The following FBXO24 variants were observed in gnomAD, a reference collection of about 807,000 sequenced individuals.
FBXO24 encodes F-box only protein 24.
FBXO24 carries 30 observed loss-of-function variants against 63.5 expected under a neutral mutation model. The ratio of observed to expected loss-of-function variants is 0.47; its 90% CI spans 0.35 to 0.64. The LOEUF (loss-of-function observed/expected upper bound fraction) is 0.64, where lower values mean the gene tolerates loss of function less well. FBXO24 is among the 30% of genes least tolerant of loss of function. The probability of loss-of-function intolerance (pLI) is 0.00; values close to 1 mark genes in which losing one functional copy is unlikely to be tolerated. For missense variants in FBXO24, 624 were observed against 763.4 expected, an observed-to-expected ratio of 0.82 and a Z score of 2.15; for synonymous variants, 300 against 305.0, an observed-to-expected ratio of 0.98 and a Z score of 0.17.
intron 8 of FBXO24, among the ~76,000 whole-genome samples, chr7:100,597,174 CAG>C (rs1424284742): frequency 2.6e-5 from 4 of 152,148 alleles, no homozygotes; most frequent in Non-Finnish European, 4.4e-5. Context: ...CTGTGGTAGA[CAG>C]GGGATGAAGA....
intron 8 of FBXO24, among the ~76,000 whole-genome samples, chr7:100,599,245 C>A (rs1045437694): frequency 5.9e-4 from 90 of 152,066 alleles, no homozygotes; most frequent in African/African-American, 2.1e-3. Context: ...CAGAATGAGA[C>A]CCCATCTCTA....
chr7:100,589,735 G>A (rs1449611067), intron 1 of FBXO24: 3 of 1,547,640 alleles, frequency 1.9e-6, no homozygotes, highest in Non-Finnish European at 2.6e-6. Context: ...GTCAGGGGAA[G>A]CCAGAGACGG....
chr7:100,591,814 TC>T lies in FBXO24; in HGVS notation c.472del (p.Leu158SerfsTer81). The T allele has an allele frequency of 6.2e-7, 1 of 1,614,214 alleles. No individual in the cohort carries two copies. The highest frequency in any genetic ancestry group is 1.1e-5 in the South Asian group (1 of 91,088). On this transcript the variant is annotated frameshift_variant, in exon 4 of 10. Coordinates refer to ENST00000241071, the MANE Select transcript of FBXO24 (RefSeq NM_033506.3). LOFTEE classifies it high-confidence loss of function. ...FILDYVGTLFFLKNALVSTLG... is the reference protein window; with the variant it reads ...FILDYVGTLFXLKNALVSTLG... ...CTTGACTACGTGGGGACCCTCTTCT[TC>T]CTCAAAAATGCCCTGGTCTCCACCC... is the stretch of plus-strand genomic sequence containing the variant.
Position 100,600,527 on chromosome 7 carries a change from C to G in FBXO24, c.1378-7C>G. 6.5e-7 allele frequency: 1 copy of G among 1,537,878 alleles called. No individual in the cohort carries two copies. Among genetic ancestry groups the G allele is most frequent in the Non-Finnish European group, 8.8e-7 (1 of 1,142,758 alleles). The stretch of plus-strand genomic sequence containing the variant: ...TCAGCCATGCCCCCTTTCTCTCCTC[C>G]TCCAAGGTCCCTCTGTGTGCCTGTG... On this transcript the variant is annotated splice_polypyrimidine_tract_variant and splice_region_variant and intron_variant, in intron 9 of 9. Coordinates refer to ENST00000241071, the MANE Select transcript of FBXO24 (RefSeq NM_033506.3). The surrounding 1 kb of genome is among the most constrained non-coding windows in gnomAD (Gnocchi z 6.3).
chr7:100,592,769 A>G lies in FBXO24; in HGVS notation c.559-14A>G. 1 of 1,610,058 alleles carries G rather than the reference A, an allele frequency of 6.2e-7. No individual in the cohort carries two copies. The highest frequency in any genetic ancestry group is 1.3e-5 in the African/African-American group (1 of 74,912). ...GAAACTCTAGATCCCAGACGCCCTC[A>G]TCTTTTCCCCCAGTTTGCCTCGGAC... On this transcript the variant is annotated splice_polypyrimidine_tract_variant and intron_variant, in intron 4 of 9. Transcript: ENST00000241071.
rs780018734 is a variant in FBXO24, at chr7:100,591,862, G to A, written c.518G>A (p.Arg173Gln). ...VSTLGQMQWK[R>Q]ACRYVVLCRG... ...ACCCTCGGCCAGATGCAGTGGAAGC[G>A]GGCCTGTCGCTATGTTGTGTTGTGT... The change falls in exon 4 of 10, where the codon CGG (arginine) becomes CAG (glutamine). Residue 173 changes from arginine to glutamine, a missense_variant. By Grantham distance (43) the Arg-to-Gln change is conservative (BLOSUM62 1). Around this residue, in one of 3 missense-constraint regions of FBXO24, gnomAD observed 391 missense variants for 469.1 expected, o/e 0.83. Transcript: ENST00000241071. 4.3e-6 allele frequency: 7 copies of A among 1,614,214 alleles called. No individual in the cohort carries two copies. Among genetic ancestry groups the A allele is most frequent in the East Asian group, 2.2e-5 (1 of 44,892 alleles).
chr7:100,586,673 G>A lies in FBXO24; in HGVS notation c.39+9G>A, dbSNP rs773019527. On this transcript the variant is annotated intron_variant, in intron 1 of 9. Coordinates refer to ENST00000241071, the MANE Select transcript of FBXO24 (RefSeq NM_033506.3). ...TGCTAAGGAGGAGGCGGGTGAGCTA[G>A]AACTTTAAGACTGAGGTTAAGAATG... The A allele has an allele frequency of 1.2e-6, 2 of 1,614,048 alleles. No individual in the cohort carries two copies. The highest frequency in any genetic ancestry group is 1.3e-5 in the African/African-American group (1 of 74,936).
chr7:100,593,209 C>CATAATATTCATAAATATTCACCACA (rs1802117797), intron 5 of FBXO24, 192 bp downstream of exon 5: 4 of 550,306 alleles, frequency 7.3e-6, no homozygotes, highest in African/African-American at 3.8e-5. Context: ...GAATAAAAGG[C>CATAATATTCATAAATATTCACCACA]CCTGTCCAGG....
rs374826348 is a variant in FBXO24, at chr7:100,590,357, T to A, written c.322T>A (p.Tyr108Asn). ...CTGGAAGAGAGCTGCCATTCTGAACTGTACACCTTCCCCAGAACCTCCCGT... is the reference window on the plus strand; with the variant it reads ...CTGGAAGAGAGCTGCCATTCTGAACAGTACACCTTCCCCAGAACCTCCCGT... ...RPWKRAAILN[Y>N]TKGLYFQAFG... Residue 108 changes from tyrosine to asparagine, a missense_variant and splice_region_variant, in exon 3 of 10, where the codon TAC (tyrosine) becomes AAC (asparagine). By Grantham distance (143) the Tyr-to-Asn change is moderately radical. Coordinates refer to ENST00000241071, the MANE Select transcript of FBXO24 (RefSeq NM_033506.3). 5.0e-6 allele frequency: 8 copies of A among 1,607,676 alleles called. No homozygotes were observed. In the Admixed American group the frequency reaches 1.3e-4, roughly 27 times the overall value.
At chr7:100,586,957 G>T (rs1193730818) in intron 1 of FBXO24, among the ~76,000 whole-genome samples, 3 of 151,938 alleles carry the variant, frequency 2.0e-5, no homozygotes, top group Non-Finnish European at 1.5e-5. Flanking sequence ...CCAGCTCGAG[G>T]AGGGAGGGTG....
rs1171945450 is a variant in FBXO24 at position 100,595,111 on chromosome 7, G to T, written c.962G>T (p.Gly321Val). 12 of 1,613,882 alleles carry T rather than the reference G, an allele frequency of 7.4e-6. No individual in the cohort carries two copies. In the East Asian group the frequency reaches 2.7e-4, roughly 36 times the overall value. The stretch of plus-strand genomic sequence containing the variant: ...GCTCCTGACCCCCCAGACCAGGGGG[G>T]AGTGTATTTTGAGGTGCATACCCCA... ...SSTLYVTDQG[G>V]VYFEVHTPGV... The change falls in exon 7 of 10, where the codon GGA (glycine) becomes GTA (valine). Residue 321 changes from glycine (G) to valine (V), a missense_variant. Gly to Val is a moderately radical substitution (Grantham distance 109, BLOSUM62 -3). Transcript: ENST00000241071.
chr7:100,591,588 A>G lies in FBXO24; in HGVS notation c.323-79A>G, dbSNP rs2131264549. 3 of 1,388,616 alleles carry G rather than the reference A, an allele frequency of 2.2e-6. No homozygotes were observed. The South Asian group carries it at 3.6e-5, about 17-fold the overall frequency. 86.0% of individuals were successfully genotyped at this position (1,388,616 alleles called of 1,614,324 possible). A position where few individuals can be genotyped will look rare whatever the true frequency, so the allele number is the denominator to read the frequency against. On this transcript the variant is annotated intron_variant, in intron 3 of 9. Coordinates refer to ENST00000241071, the MANE Select transcript of FBXO24 (RefSeq NM_033506.3). ...GGAGGAACTACAAACCAGCGTGTCTAAGAAATCTACCCAAGCTCCAACTCA... is the reference window on the plus strand; with the variant it reads ...GGAGGAACTACAAACCAGCGTGTCTGAGAAATCTACCCAAGCTCCAACTCA...
chr7:100,594,807 G>T lies in FBXO24; in HGVS notation c.952+266G>T, dbSNP rs1195853277. ...CTCTACTAAAATACAAAAATTAGCT[G>T]GGTGTGATGGCAGGCGCCTGTAATC... On this transcript the variant is annotated intron_variant, in intron 6 of 9. Coordinates refer to ENST00000241071, the MANE Select transcript of FBXO24 (RefSeq NM_033506.3). The surrounding 1 kb of genome is among the most constrained non-coding windows in gnomAD (Gnocchi z 4.2). 2.6e-5 allele frequency among the ~76,000 whole-genome samples: 4 copies of T among 152,150 alleles called. No homozygotes were observed. The highest frequency in any genetic ancestry group is 4.4e-5 in the Non-Finnish European group (3 of 68,028).
chr7:100,596,033 T>C (rs1477897791), intron 8 of FBXO24, among the ~76,000 whole-genome samples: 2 of 151,964 alleles, frequency 1.3e-5, no homozygotes, highest in African/African-American at 4.8e-5. Context: ...ATCCCGACAC[T>C]TTGGGAGGCC....
In FBXO24 at chr7:100,591,811, T is replaced by A; in HGVS notation, c.467T>A (p.Phe156Tyr). The A allele has an allele frequency of 6.2e-7, 1 of 1,614,240 alleles. No homozygotes were observed. The highest frequency in any genetic ancestry group is 2.2e-5 in the East Asian group (1 of 44,886). ...ATTCTTGACTACGTGGGGACCCTCT[T>A]CTTCCTCAAAAATGCCCTGGTCTCC... ...VFILDYVGTL[F>Y]FLKNALVSTL... is the part of the protein sequence containing the mutation. Residue 156 changes from phenylalanine to tyrosine, a missense_variant, in exon 4 of 10, where the codon TTC becomes TAC. Transcript: ENST00000241071.
intron 1 of FBXO24, among the ~76,000 whole-genome samples, chr7:100,588,008 G>A (rs1012142153): frequency 4.0e-5 from 6 of 151,684 alleles, no homozygotes; most frequent in Admixed American, 2.0e-4. Flanking sequence ...TCAGCCTCCC[G>A]AGTAACTGGG....
rs898270332 is a variant in FBXO24 at position 100,590,327 on chromosome 7, C to G, written c.292C>G (p.Arg98Gly). 6.2e-7 allele frequency: 1 copy of G among 1,613,846 alleles called. No individual in the cohort carries two copies. Among genetic ancestry groups the G allele is most frequent in the Non-Finnish European group, 8.5e-7 (1 of 1,179,860 alleles). ...PRLQDQGSGV[R>G]PWKRAAILNY... ...CCTCCAAGATCAGGGTTCTGGAGTCCGGCCCTGGAAGAGAGCTGCCATTCT... is the reference window on the plus strand; with the variant it reads ...CCTCCAAGATCAGGGTTCTGGAGTCGGGCCCTGGAAGAGAGCTGCCATTCT... Residue 98 changes from arginine (R) to glycine (G), a missense_variant, in exon 3 of 10, where the codon CGG (arginine) becomes GGG (glycine). This residue lies in a region of FBXO24 where 391 missense variants were observed against 469.1 expected (regional missense o/e 0.83). Coordinates refer to ENST00000241071, the MANE Select transcript of FBXO24 (RefSeq NM_033506.3).
At chr7:100,589,936 G>A (rs1273184944) in intron 1 of FBXO24, 41 bp from the exon 2 acceptor site, 2 of 1,589,076 alleles carry the variant, frequency 1.3e-6, no homozygotes, top group Non-Finnish European at 1.7e-6. Context: ...AAAAAAGGAT[G>A]TGGGACCCTC....
In FBXO24 at chr7:100,587,133, C is replaced by G. The variant is rs368378827; in HGVS notation, c.39+469C>G. On this transcript the variant is annotated intron_variant, in intron 1 of 9. Transcript: ENST00000241071. ...AAACTGAGGCAGAGGGAAGTTGATG[C>G]GTTAGCAAGAGCGAACAGCAAGTTC... is the stretch of plus-strand genomic sequence containing the variant. 1.4e-4 allele frequency among the ~76,000 whole-genome samples: 21 copies of G among 152,260 alleles called. No individual in the cohort carries two copies. The East Asian group carries it at 3.3e-3, about 24-fold the overall frequency.
Sources: gnomAD v4.1 joint callset for allele counts (sites outside exome capture counted in the v4.1 genomes callset) on GRCh38, gnomAD v4.1.1 for gene constraint, gnomAD v4.1.1 regional missense constraint, Gnocchi (gnomAD v3.1) non-coding constraint, MANE v1.5 for transcripts, NCBI Gene and HGNC (gene_info 2026-07-23, HGNC 2026-07-21) for gene names.